MET: variants seen among roughly 807,000 people sequenced by gnomAD.
The protein encoded by MET is hepatocyte growth factor receptor.
Under a neutral mutation model 133.1 loss-of-function variants are expected in MET, and 48 were observed. The ratio of observed to expected loss-of-function variants is 0.36; its 90% CI spans 0.29 to 0.46. MET has a LOEUF of 0.46. Among genes scored for constraint, MET ranks in the 20% least tolerant of loss-of-function variants. MET has a pLI of 1.00. For missense variants in MET, 1,442 were observed against 1,695.9 expected (o/e 0.85, Z 2.63); for synonymous variants, 628 against 616.5 (o/e 1.02, Z -0.28).
chr7:116,700,132 A>C lies in MET; in HGVS notation c.1048A>C (p.Lys350Gln), dbSNP rs201191014. Reference protein sequence around the residue: ...DILFGVFAQSKPDSAEPMDRS... With the variant: ...DILFGVFAQSQPDSAEPMDRS... ...TCTTTTCGGGGTGTTCGCACAAAGC[A>C]AGCCAGATTCTGCCGAACCAATGGA... Residue 350 changes from lysine (K) to glutamine (Q), a missense_variant, in exon 2 of 21, where the codon AAG (lysine) becomes CAG (glutamine). Around this residue, in one of 6 missense-constraint regions of MET, gnomAD observed 762 missense variants for 792.4 expected, o/e 0.96. Transcript: ENST00000397752. 1 of 1,602,052 alleles carries C rather than the reference A, an allele frequency of 6.2e-7. No homozygotes were observed. Among genetic ancestry groups the C allele is most frequent in the Non-Finnish European group, 8.5e-7 (1 of 1,174,418 alleles).
At chr7:116,694,478 G>C (rs1335781404) in intron 1 of MET, among the ~76,000 whole-genome samples, 1 of 151,786 alleles carries the variant, frequency 6.6e-6, no homozygotes, top group Admixed American at 6.6e-5. Context: ...GTTCTGTGAG[G>C]GTTTTTCTTT....
intron 3 of MET, among the ~76,000 whole-genome samples, chr7:116,737,034 G>A (rs1793242131): frequency 6.6e-6 from 1 of 152,206 alleles, no homozygotes; most frequent in Admixed American, 6.5e-5. Flanking sequence ...ATTAAGGGTA[G>A]AAAAACATTT....
rs1425296429 is a variant in MET, at chr7:116,797,120, AATG to A, written c.*1000_*1002del. 1.0e-5 allele frequency: 2 copies of A among 197,298 alleles called. No homozygotes were observed. Among genetic ancestry groups the A allele is most frequent in the Non-Finnish European group, 2.1e-5 (2 of 95,034 alleles). The allele number at this position is 197,298 out of a possible 1,614,324, so 12.2% of individuals were successfully genotyped here. A position where few individuals can be genotyped will look rare whatever the true frequency, so the allele number is the denominator to read the frequency against. ...GTCATATAAAAACCCACTGTTTGAGAATGATGCTACTCTGATCTAATGAATGTG... is the reference window on the plus strand; with the variant it reads ...GTCATATAAAAACCCACTGTTTGAGAATGCTACTCTGATCTAATGAATGTG... On this transcript the variant is annotated 3_prime_UTR_variant, in exon 21 of 21. Coordinates refer to ENST00000397752, the MANE Select transcript of MET (RefSeq NM_000245.4).
Position 116,771,637 on chromosome 7 carries a change from A to G in MET, c.2870A>G (p.Lys957Arg), listed in dbSNP as rs1794836962. 1 of 1,613,762 alleles carries G rather than the reference A, an allele frequency of 6.2e-7. No homozygotes were observed. The highest frequency in any genetic ancestry group is 1.7e-5 in the Admixed American group (1 of 59,988). Residue 957 changes from lysine (K) to arginine (R), a missense_variant, in exon 13 of 21, where the codon AAG (lysine) becomes AGG (arginine). Around this residue, in one of 6 missense-constraint regions of MET, gnomAD observed 514 missense variants for 659.6 expected, o/e 0.78. Coordinates refer to ENST00000397752, the MANE Select transcript of MET (RefSeq NM_000245.4). Reference sequence around the variant, plus strand: ...CTTGGGTTTTTCCTGTGGCTGAAAAAGAGAAAGCAAATTAAAGGTGCATTT... The same window carrying G: ...CTTGGGTTTTTCCTGTGGCTGAAAAGGAGAAAGCAAATTAAAGGTGCATTT... The part of the protein sequence containing the change: ...LLLGFFLWLK[K>R]RKQIKDLGSE...
chr7:116,728,795 C>G (rs564471390), intron 2 of MET, among the ~76,000 whole-genome samples: 2 of 152,288 alleles, frequency 1.3e-5, no homozygotes, highest in East Asian at 1.9e-4. Context: ...AGTTTGTGGT[C>G]AAAGACTCTC....
At chr7:116,774,005 C>T (rs1017707061) in intron 14 of MET, among the ~76,000 whole-genome samples, 1 of 152,176 alleles carries the variant, frequency 6.6e-6, no homozygotes, top group African/African-American at 2.4e-5. Flanking sequence ...AATACTATGC[C>T]TAGTTTATCT....
At chr7:116,748,696 G>C (rs1793796074) in intron 5 of MET, among the ~76,000 whole-genome samples, 1 of 152,140 alleles carries the variant, frequency 6.6e-6, no homozygotes, top group East Asian at 1.9e-4. Flanking sequence ...CAACAAAATT[G>C]ATAGACTGCT....
At chr7:116,777,048 A>C (rs957353501) in intron 15 of MET, among the ~76,000 whole-genome samples, 1 of 152,162 alleles carries the variant, frequency 6.6e-6, no homozygotes, top group African/African-American at 2.4e-5. Context: ...CTTTAAAAAA[A>C]TTTATTTGAT....
intron 14 of MET, among the ~76,000 whole-genome samples, chr7:116,773,340 C>T (rs1794891764): frequency 6.6e-6 from 1 of 152,140 alleles, no homozygotes; most frequent in Non-Finnish European, 1.5e-5. Context: ...ACCTAGAGTG[C>T]TATGTGGTGT....
At chr7:116,767,577 T>G (rs1794672401) in intron 11 of MET, among the ~76,000 whole-genome samples, 1 of 152,124 alleles carries the variant, frequency 6.6e-6, no homozygotes, top group African/African-American at 2.4e-5. Flanking sequence ...GGGAGTATCT[T>G]TGCAGGATAA....
chr7:116,758,416 T>C (rs1562922669), intron 8 of MET, 43 bp from the exon 9 acceptor site: 4 of 1,571,918 alleles, frequency 2.5e-6, no homozygotes, highest in Non-Finnish European at 3.5e-6. Context: ...AATATGTGTA[T>C]CTCTAATAGC....
chr7:116,674,055 G>A (rs1382983235), intron 1 of MET, among the ~76,000 whole-genome samples: 2 of 152,136 alleles, frequency 1.3e-5, no homozygotes, highest in African/African-American at 4.8e-5. Flanking sequence ...AAACTTAATG[G>A]TGTATAAGCT....
intron 1 of MET, among the ~76,000 whole-genome samples, chr7:116,697,033 C>T (rs529241881): frequency 6.6e-6 from 1 of 152,298 alleles, no homozygotes; most frequent in South Asian, 2.1e-4. Flanking sequence ...GTAAAACCTG[C>T]TAGTCATCCT....
At chr7:116,753,661 A>T (rs1305329009) in intron 5 of MET, among the ~76,000 whole-genome samples, 1 of 152,200 alleles carries the variant, frequency 6.6e-6, no homozygotes, top group Non-Finnish European at 1.5e-5. Flanking sequence ...AATTAGGAAA[A>T]ATTGTTACAA....
intron 2 of MET, among the ~76,000 whole-genome samples, chr7:116,718,032 C>T (rs1792313971): frequency 6.6e-6 from 1 of 152,106 alleles, no homozygotes; most frequent in South Asian, 2.1e-4. Flanking sequence ...TATTCTTTAA[C>T]TCTATGACAG....
chr7:116,714,186 T>C (rs1399349778), intron 2 of MET, among the ~76,000 whole-genome samples: 1 of 152,178 alleles, frequency 6.6e-6, no homozygotes, highest in Non-Finnish European at 1.5e-5. Flanking sequence ...TGATTCACCT[T>C]AGGAAATGAT....
At chr7:116,676,534 T>C (rs1796164845) in intron 1 of MET, among the ~76,000 whole-genome samples, 1 of 152,154 alleles carries the variant, frequency 6.6e-6, no homozygotes, top group Admixed American at 6.5e-5. Context: ...AATAAAGAAA[T>C]ACATAACTGA....
chr7:116,741,083 T>TG, intron 5 of MET, 58 bp downstream of exon 5: 1 of 1,476,058 alleles, frequency 6.8e-7, no homozygotes, highest in Non-Finnish European at 9.3e-7. Flanking sequence ...TTTTTTTTTT[T>TG]GGTTTGGTTT....
chr7:116,724,735 A>C, intron 2 of MET: 81 of 964,878 alleles, frequency 8.4e-5, no homozygotes, highest in Non-Finnish European at 1.1e-4. Flanking sequence ...CTGGAAGAGA[A>C]TTTCGAAATC....
Sources: gnomAD v4.1 joint callset for allele counts (sites outside exome capture counted in the v4.1 genomes callset) on GRCh38, gnomAD v4.1.1 for gene constraint, gnomAD v4.1.1 regional missense constraint, MANE v1.5 for transcripts, NCBI Gene and HGNC (gene_info 2026-07-23, HGNC 2026-07-21) for gene names.